The following SGCD variants were observed in gnomAD, a reference collection of about 807,000 sequenced individuals.
SGCD encodes delta-sarcoglycan.
Under a neutral mutation model 36.6 loss-of-function variants are expected in SGCD, and 18 were observed. That is an observed-to-expected ratio of 0.49 (90% CI 0.34 to 0.73). The LOEUF is 0.73. SGCD is among the 30% of genes least tolerant of loss of function. The probability of loss-of-function intolerance (pLI) is 0.01; values close to 1 mark genes in which losing one functional copy is unlikely to be tolerated. For synonymous variants in SGCD, 133 were observed against 130.6 expected, an observed-to-expected ratio of 1.02 and a Z score of -0.12; for missense variants, 387 against 346.7, an observed-to-expected ratio of 1.12 and a Z score of -0.92.
At chr5:156,222,498 G>A (rs1764741098) in intron 3 of SGCD, among the ~76,000 whole-genome samples, 1 of 152,022 alleles carries the variant, frequency 6.6e-6, no homozygotes, top group South Asian at 2.1e-4. Flanking sequence ...ACTGTGTTTA[G>A]TGAGGTACAT....
At chr5:156,321,975 C>T (rs990504266), upstream of SGCD, among the ~76,000 whole-genome samples, 1 of 152,286 alleles carries the variant, frequency 6.6e-6, no homozygotes, top group Admixed American at 6.5e-5. Flanking sequence ...CCGATGAACG[C>T]CTCTTTTCAG....
rs146866271 is a variant in SGCD, at chr5:156,368,082, C to T, written c.192+23405C>T. On this transcript the variant is annotated intron_variant, in intron 3 of 8. Transcript: ENST00000337851. ...CTTTAGCTTAAACAGTCTGTATTCA[C>T]GCTTGCTTTTTTTTTTTCTTTTTTT... Among the ~76,000 whole-genome samples the T allele has an allele frequency of 1.5e-3, 225 of 151,844 alleles. 3 individuals are homozygous for T. In the East Asian group the frequency reaches 0.035, roughly 24 times the overall value.
intron 3 of SGCD, among the ~76,000 whole-genome samples, chr5:156,447,545 T>C (rs1335529801): frequency 1.3e-5 from 2 of 152,148 alleles, no homozygotes; most frequent in Non-Finnish European, 2.9e-5. Flanking sequence ...TTTAAAAATC[T>C]GATAATGGAA....
chr5:155,767,343 G>A, the SGCD span, among the ~76,000 whole-genome samples: 14 of 152,176 alleles, frequency 9.2e-5, no homozygotes, highest in African/African-American at 3.1e-4. Context: ...TACAAATAGA[G>A]AAATCATTGC....
chr5:156,716,096 C>T (rs1755210762), intron 7 of SGCD, among the ~76,000 whole-genome samples: 1 of 152,138 alleles, frequency 6.6e-6, no homozygotes, highest in African/African-American at 2.4e-5. Flanking sequence ...AGCCTTACTA[C>T]TCCACTTTTG....
chr5:156,748,204 T>A (rs1012106715), intron 7 of SGCD, among the ~76,000 whole-genome samples: 1 of 152,174 alleles, frequency 6.6e-6, no homozygotes, highest in African/African-American at 2.4e-5. Flanking sequence ...GAAGAATGCG[T>A]GCCTCTGGAG....
chr5:156,267,143 A>G (rs1169972459), intron 3 of SGCD, among the ~76,000 whole-genome samples: 1 of 152,148 alleles, frequency 6.6e-6, no homozygotes, highest in Non-Finnish European at 1.5e-5. Context: ...TCACTTATTC[A>G]TTGTGCAGAA....
At chr5:155,900,960 C>T (rs1401791941) in intron 1 of SGCD, among the ~76,000 whole-genome samples, 1 of 152,026 alleles carries the variant, frequency 6.6e-6, no homozygotes, top group Non-Finnish European at 1.5e-5. Flanking sequence ...TAAAGGTATA[C>T]TTTATCACCA....
rs527490245 is a variant in SGCD, at chr5:156,059,529, G to A, written c.-281-58349G>A. Among the ~76,000 whole-genome samples the A allele has an allele frequency of 4.6e-4, 68 of 146,578 alleles. 3 individuals carry two copies. Among genetic ancestry groups the A allele is most frequent in the African/African-American group, 1.2e-3 (48 of 40,822 alleles). On this transcript the variant is annotated intron_variant, in intron 1 of 9. Coordinates refer to the SGCD transcript ENST00000517913. ...AGCTGGATTTATCTGTCTTCCTAGTGTGCATTGGCAGGGGACCCTATGACC... is the reference window on the plus strand; with the variant it reads ...AGCTGGATTTATCTGTCTTCCTAGTATGCATTGGCAGGGGACCCTATGACC...
chr5:156,498,262 C>CAA (rs34586524), intron 3 of SGCD, among the ~76,000 whole-genome samples: 1,518 of 102,874 alleles, frequency 0.015, 22 homozygotes, highest in African/African-American at 0.04. Flanking sequence ...ATTTCTCTTA[C>CAA]AAAAAAAAAA....
intron 1 of SGCD, among the ~76,000 whole-genome samples, chr5:156,048,425 T>G (rs957903430): frequency 2.0e-5 from 3 of 152,192 alleles, no homozygotes; most frequent in Non-Finnish European, 4.4e-5. Flanking sequence ...TTGAACTAGT[T>G]TACAGTCCCA....
intron 7 of SGCD, among the ~76,000 whole-genome samples, chr5:156,735,096 T>TA (rs1225945518): frequency 1.4e-4 from 21 of 152,310 alleles, no homozygotes; most frequent in African/African-American, 5.1e-4. Context: ...CTCCAGTCCC[T>TA]AATCACCTCA....
At chr5:156,286,175 C>A (rs912104346) in intron 3 of SGCD, among the ~76,000 whole-genome samples, 25 of 152,282 alleles carry the variant, frequency 1.6e-4, no homozygotes, top group Middle Eastern at 6.8e-3. Context: ...CAGGAAACAA[C>A]AGGTGCTAGA....
At chr5:155,890,641 T>TAGATAGAC (rs1228926074) in intron 1 of SGCD, among the ~76,000 whole-genome samples, 2 of 124,216 alleles carry the variant, frequency 1.6e-5, no homozygotes, top group African/African-American at 7.0e-5. Context: ...AGACAGATGA[T>TAGATAGAC]AGATAGATAG....
At chr5:156,514,454 C>T (rs768458552) in intron 4 of SGCD, among the ~76,000 whole-genome samples, 19 of 151,914 alleles carry the variant, frequency 1.3e-4, no homozygotes, top group African/African-American at 2.7e-4. Context: ...TTTAGAAGTT[C>T]GGAAGAGGAG....
chr5:155,848,783 G>A, the SGCD span, among the ~76,000 whole-genome samples: 2 of 152,176 alleles, frequency 1.3e-5, no homozygotes, highest in African/African-American at 4.8e-5. Context: ...GTGTATTGCA[G>A]TAGAAGATGC....
intron 3 of SGCD, among the ~76,000 whole-genome samples, chr5:156,389,725 C>T (rs992614208): frequency 6.6e-6 from 1 of 152,112 alleles, no homozygotes; most frequent in Non-Finnish European, 1.5e-5. Flanking sequence ...GGTTTGTGTA[C>T]CAGGATTGGA....
intron 1 of SGCD, among the ~76,000 whole-genome samples, chr5:155,880,113 A>G (rs895954681): frequency 3.3e-5 from 5 of 152,178 alleles, no homozygotes; most frequent in African/African-American, 4.8e-5. Flanking sequence ...CCTTGGCTCA[A>G]AAGCCAGTCC....
intron 6 of SGCD, among the ~76,000 whole-genome samples, chr5:156,615,452 T>C (rs1761984128): frequency 2.0e-5 from 3 of 152,240 alleles, no homozygotes; most frequent in South Asian, 4.1e-4. Flanking sequence ...ATAAGACTTA[T>C]AGAAATTCAA....
Sources: allele counts gnomAD v4.1 joint callset (sites outside exome capture counted in the v4.1 genomes callset), GRCh38; gene constraint gnomAD v4.1.1; transcripts MANE v1.5; gene names NCBI Gene and HGNC (gene_info 2026-07-23, HGNC 2026-07-21).